The following FAT3 variants were observed in gnomAD, a reference collection of about 807,000 sequenced individuals.
The protein encoded by FAT3 is FAT atypical cadherin 3.
In FAT3, 95 loss-of-function variants were observed where a neutral mutation model predicts 310.2. That is an observed-to-expected ratio of 0.31 (90% CI 0.26 to 0.36). The LOEUF is 0.36. Among genes scored for constraint, FAT3 ranks in the 10% least tolerant of loss-of-function variants. The pLI is 1.00. For missense variants in FAT3, 5,408 were observed against 5,715.6 expected (o/e 0.95, Z 1.74); for synonymous variants, 2,314 against 2,192.9 (o/e 1.06, Z -1.54).
At chr11:92,609,779 T>A (rs1940478264) in intron 3 of FAT3, among the ~76,000 whole-genome samples, 1 of 152,216 alleles carries the variant, frequency 6.6e-6, no homozygotes, top group Non-Finnish European at 1.5e-5. Flanking sequence ...TTCTTATTGA[T>A]GTAGTTTCAG....
chr11:92,382,911 G>T (rs1416778379), intron 2 of FAT3, among the ~76,000 whole-genome samples: 1 of 152,136 alleles, frequency 6.6e-6, no homozygotes, highest in East Asian at 1.9e-4. Context: ...TGCCATGGTG[G>T]TTTGCTGCAC....
chr11:92,665,233 C>T (rs1275772716), intron 3 of FAT3, among the ~76,000 whole-genome samples: 1 of 152,180 alleles, frequency 6.6e-6, no homozygotes, highest in East Asian at 1.9e-4. Context: ...ATGCTACTGC[C>T]CCGAGTTATC....
intron 1 of FAT3, among the ~76,000 whole-genome samples, chr11:92,293,070 AAGG>A (rs1946737634): frequency 7.3e-6 from 1 of 137,222 alleles, no homozygotes. Flanking sequence ...GGAAGGAAGG[AAGG>A]AAGGAAAGAA....
At position 92,736,103 on chromosome 11, in the gene FAT3, T is replaced by C. The variant is rs117186607; in HGVS notation, c.3670-25753T>C. On this transcript the variant is annotated intron_variant, in intron 4 of 27. Coordinates refer to ENST00000525166, the MANE Select transcript of FAT3 (RefSeq NM_001367949.2). ...ATGGCTCTTTGAAGGCACTGTCTGA[T>C]CCTTCTTGAGCTTCTGCACAGTTCC... Among the ~76,000 whole-genome samples, 932 of 152,306 alleles carry C rather than the reference T, an allele frequency of 6.1e-3. 5 individuals carry two copies. Among genetic ancestry groups the C allele is most frequent in the Non-Finnish European group, 0.01 (683 of 68,020 alleles).
rs180816513 is a variant in FAT3, at chr11:92,454,345, A to G, written c.3293-70289A>G. On this transcript the variant is annotated intron_variant, in intron 2 of 27. Coordinates refer to ENST00000525166, the MANE Select transcript of FAT3 (RefSeq NM_001367949.2). ...AAAGTATCATTCTAGTTGCAAAAAC[A>G]TGGATTTTATAGTAATTCTTCTTCC... Among the ~76,000 whole-genome samples the G allele has an allele frequency of 3.9e-5, 6 of 152,324 alleles. No individual in the cohort carries two copies. In the East Asian group the frequency reaches 9.6e-4, roughly 24 times the overall value.
chr11:92,579,794 G>T (rs1273352567), intron 3 of FAT3, among the ~76,000 whole-genome samples: 2 of 152,094 alleles, frequency 1.3e-5, no homozygotes, highest in Admixed American at 6.6e-5. Flanking sequence ...ATTAGAGGTT[G>T]TAGGATTAGC....
At chr11:92,769,807 T>C (rs1404715660) in intron 6 of FAT3, among the ~76,000 whole-genome samples, 2 of 152,240 alleles carry the variant, frequency 1.3e-5, no homozygotes, top group Admixed American at 6.5e-5. Flanking sequence ...TCATTTGTCA[T>C]AGGTTCCTTC....
chr11:92,826,486 A>T (rs765093668), intron 13 of FAT3, among the ~76,000 whole-genome samples: 8 of 152,194 alleles, frequency 5.3e-5, no homozygotes, highest in Non-Finnish European at 8.8e-5. Context: ...AAGGAACCTA[A>T]ACAGGGATTG....
rs936532923 is a variant in FAT3, at chr11:92,346,651, G to A, written c.-17-5445G>A. 3.3e-5 allele frequency among the ~76,000 whole-genome samples: 5 copies of A among 152,024 alleles called. No individual in the cohort carries two copies. In the East Asian group the frequency reaches 5.8e-4, roughly 18 times the overall value. ...TACTATGTGCCGGACACTATGTTAA[G>A]CCTTTTACCTGAGAGTGTGAACTCT... is the stretch of plus-strand genomic sequence containing the variant. On this transcript the variant is annotated intron_variant, in intron 1 of 27. Coordinates refer to ENST00000525166, the MANE Select transcript of FAT3 (RefSeq NM_001367949.2).
intron 1 of FAT3, among the ~76,000 whole-genome samples, chr11:92,248,963 G>A (rs188310687): frequency 4.9e-4 from 74 of 152,104 alleles, no homozygotes; most frequent in African/African-American, 1.8e-3. Context: ...GAAAGTGAAT[G>A]GATTACCTAC....
chr11:92,705,574 G>GTT (rs1565527095), intron 4 of FAT3, among the ~76,000 whole-genome samples: 1 of 11,994 alleles, frequency 8.3e-5, no homozygotes. Flanking sequence ...TGGTGGTGGT[G>GTT]GTGATGGTGG....
chr11:92,579,207 A>C (rs1026858689), intron 3 of FAT3, among the ~76,000 whole-genome samples: 1 of 152,134 alleles, frequency 6.6e-6, no homozygotes, highest in African/African-American at 2.4e-5. Flanking sequence ...GGACCAGTGA[A>C]AATGATTCAA....
chr11:92,322,281 AT>A (rs1947641450), intron 1 of FAT3, among the ~76,000 whole-genome samples: 1 of 152,214 alleles, frequency 6.6e-6, no homozygotes, highest in African/African-American at 2.4e-5. Context: ...GCCTTAAAAA[AT>A]ATACATACCT....
At chr11:92,555,928 A>G (rs1955001781) in intron 3 of FAT3, among the ~76,000 whole-genome samples, 2 of 152,176 alleles carry the variant, frequency 1.3e-5, no homozygotes, top group Non-Finnish European at 1.5e-5. Flanking sequence ...GTGGCTTGTG[A>G]CCAGGCAAGG....
intron 10 of FAT3, among the ~76,000 whole-genome samples, chr11:92,803,012 T>C (rs993731461): frequency 7.9e-6 from 1 of 126,358 alleles, no homozygotes; most frequent in African/African-American, 2.9e-5. Context: ...AAACACTTTA[T>C]GATCTATCTG....
chr11:92,727,605 G>A (rs1945036941), intron 4 of FAT3, among the ~76,000 whole-genome samples: 2 of 152,170 alleles, frequency 1.3e-5, no homozygotes, highest in Admixed American at 1.3e-4. Context: ...TCATCAGTCA[G>A]GTGTGGGTGG....
At chr11:92,319,182 A>G (rs182128190) in intron 1 of FAT3, among the ~76,000 whole-genome samples, 1 of 152,370 alleles carries the variant, frequency 6.6e-6, no homozygotes, top group Non-Finnish European at 1.5e-5. Flanking sequence ...TAGAGTAATC[A>G]GCGTGTTTCA....
Position 92,778,329 on chromosome 11 carries a change from T to G in FAT3, c.4335+4149T>G, listed in dbSNP as rs2136126038. On this transcript the variant is annotated intron_variant, in intron 7 of 27. Transcript: ENST00000525166. ...TTAAAAGCTTACCCATTCTCTACAC[T>G]ACTAATGTTGTGGAATGATAGCAGA... Among the ~76,000 whole-genome samples the G allele has an allele frequency of 2.0e-5, 3 of 152,302 alleles. 1 individual carries two copies. In the South Asian group the frequency reaches 6.2e-4, roughly 32 times the overall value.
At chr11:92,590,762 T>C (rs1939382621) in intron 3 of FAT3, among the ~76,000 whole-genome samples, 1 of 152,184 alleles carries the variant, frequency 6.6e-6, no homozygotes, top group African/African-American at 2.4e-5. Context: ...TTGCTGATGC[T>C]GAGGAACAGA....
Sources: gnomAD v4.1 joint callset for allele counts (sites outside exome capture counted in the v4.1 genomes callset) on GRCh38, gnomAD v4.1.1 for gene constraint, MANE v1.5 for transcripts, NCBI Gene and HGNC (gene_info 2026-07-23, HGNC 2026-07-21) for gene names.